The following GSDMD variants were observed in gnomAD, a reference collection of about 807,000 sequenced individuals.
The protein encoded by GSDMD is gasdermin-D.
GSDMD carries 46 observed loss-of-function variants against 46.7 expected under a neutral mutation model. The ratio of observed to expected loss-of-function variants is 0.99; its 90% confidence interval spans 0.78 to 1.26. The LOEUF is 1.26. GSDMD is among the 50% of genes most tolerant of loss of function. The pLI is 0.00. For missense variants in GSDMD, 649 were observed against 638.8 expected (o/e 1.02, Z -0.17); for synonymous variants, 307 against 283.1 (o/e 1.08, Z -0.85).
At position 143,561,828 on chromosome 8, in the gene GSDMD, G is replaced by C. The variant is rs780944198; in HGVS notation, c.823G>C (p.Asp275His). Residue 275 changes from aspartate to histidine, a missense_variant and splice_region_variant, in exon 7 of 11, where the codon GAT becomes CAT. Physicochemically the swap from Asp to His is moderately conservative, Grantham distance 81 (BLOSUM62 -1). Transcript: ENST00000262580. ...MMRCLHNFLT[D>H]GVPAEGAFTE... ...GAGGTGCCTCCACAACTTCCTGACA[G>C]GTCAGTGCCCTCCTGACCGCCCCGG... 23 of 1,610,936 alleles carry C rather than the reference G, an allele frequency of 1.4e-5. No homozygotes were observed. In the East Asian group the frequency reaches 5.1e-4, roughly 36 times the overall value.
chr8:143,559,721 G>T, intron 2 of GSDMD, 56 bp from the exon 3 acceptor site: 7 of 1,527,804 alleles, frequency 4.6e-6, no homozygotes, highest in East Asian at 2.3e-5. Flanking sequence ...CAGGGCTGGT[G>T]GGGGCGGGGG....
intron 5 of GSDMD, 21 bp downstream of exon 5, chr8:143,561,125 T>C (rs2130570624): frequency 6.2e-7 from 1 of 1,603,786 alleles, no homozygotes; most frequent in Non-Finnish European, 8.5e-7. Flanking sequence ...GTTGGGGGTG[T>C]CTCGGGCCCA....
chr8:143,559,766 C>T lies in GSDMD; in HGVS notation c.218-11C>T. On this transcript the variant is annotated splice_polypyrimidine_tract_variant and intron_variant, in intron 2 of 10. Transcript: ENST00000262580. ...GCGCTGGGCACAGCCTCAGGTCTGGCCTTGCTTTAGACGTGCAGCGTGGCA... is the reference window on the plus strand; with the variant it reads ...GCGCTGGGCACAGCCTCAGGTCTGGTCTTGCTTTAGACGTGCAGCGTGGCA... 2 of 1,581,196 alleles carry T rather than the reference C, an allele frequency of 1.3e-6. No homozygotes were observed. Among genetic ancestry groups the T allele is most frequent in the Non-Finnish European group, 1.7e-6 (2 of 1,163,818 alleles).
intron 4 of GSDMD, 24 bp from the exon 5 acceptor site, chr8:143,560,978 C>T: frequency 1.9e-6 from 3 of 1,602,902 alleles, no homozygotes; most frequent in South Asian, 1.1e-5. Context: ...AGGGCCCAGC[C>T]CCGAGCCCAT....
At chr8:143,557,374 T>TGTGACGACGG (rs1563902738), upstream of GSDMD, among the ~76,000 whole-genome samples, 25 of 101,892 alleles carry the variant, frequency 2.5e-4, no homozygotes, top group East Asian at 4.3e-4. Context: ...ATGCTGCCGC[T>TGTGACGACGG]ATGGCGAAGG....
rs1156489909 is a variant in GSDMD at position 143,559,790 on chromosome 8, CA to C, written c.232del (p.Arg78GlyfsTer41). 1 of 1,600,912 alleles carries C rather than the reference CA, an allele frequency of 6.2e-7. No homozygotes were observed. Among genetic ancestry groups the C allele is most frequent in the Non-Finnish European group, 8.5e-7 (1 of 1,173,758 alleles). ...GCCTTGCTTTAGACGTGCAGCGTGGCAGGAGCTTCCACTTCTACGATGCCAT... is the reference window on the plus strand; with the variant it reads ...GCCTTGCTTTAGACGTGCAGCGTGGCGGAGCTTCCACTTCTACGATGCCAT... ...DAAEPDVQRG[R>X]SFHFYDAMDG... On this transcript the variant is annotated frameshift_variant, in exon 3 of 11. Transcript: ENST00000262580. LOFTEE classifies it high-confidence loss of function.
Position 143,562,691 on chromosome 8 carries a change from G to C in GSDMD, c.1242G>C (p.Pro414=). Residue 414 remains proline, a synonymous_variant, in exon 11 of 11, where the codon CCG becomes CCC. Coordinates refer to ENST00000262580, the MANE Select transcript of GSDMD (RefSeq NM_024736.7). ...LVGSLLEQSA[P]WQERSTMSLP... is the part of the protein sequence containing the mutation. ...GCAGCCTCTTGGAGCAGAGTGCCCC[G>C]TGGCAGGAGCGCAGCACCATGTCCC... The C allele has an allele frequency of 1.2e-6, 2 of 1,604,252 alleles. 1 individual carries two copies. Among genetic ancestry groups the C allele is most frequent in the South Asian group, 2.2e-5 (2 of 89,790 alleles).
At chr8:143,554,115 G>A (rs1823257153), upstream of GSDMD, among the ~76,000 whole-genome samples, 1 of 152,280 alleles carries the variant, frequency 6.6e-6, no homozygotes, top group African/African-American at 2.4e-5. Context: ...AAGGAGAAAA[G>A]CGGGAGGAGG....
At chr8:143,558,301 G>C, upstream of GSDMD, 2 of 1,510,522 alleles carry the variant, frequency 1.3e-6, no homozygotes, top group Non-Finnish European at 8.8e-7. Context: ...CGGGCTCTCC[G>C]GGACGGTTCC....
intron 5 of GSDMD, 88 bp downstream of exon 5, chr8:143,561,192 C>T (rs956509121): frequency 2.1e-5 from 28 of 1,360,426 alleles, no homozygotes; most frequent in Middle Eastern, 1.8e-4. Context: ...CTTGGGCTGC[C>T]GTGGGCCCCT....
intron 6 of GSDMD, 51 bp from the exon 7 acceptor site, chr8:143,561,691 G>T: frequency 6.9e-7 from 1 of 1,458,736 alleles, no homozygotes; most frequent in East Asian, 2.4e-5. Context: ...CTCTGGCTCA[G>T]ACACCCTTCC....
Position 143,561,524 on chromosome 8 carries a change from G to A in GSDMD, c.736+101G>A, listed in dbSNP as rs150190170. On this transcript the variant is annotated intron_variant, in intron 6 of 10. Coordinates refer to ENST00000262580, the MANE Select transcript of GSDMD (RefSeq NM_024736.7). ...CATGTTCTCAGGGCACAGGGAGGCCGGGCAGCCCCCTGAGGCGGTGGGCAC... is the reference window on the plus strand; with the variant it reads ...CATGTTCTCAGGGCACAGGGAGGCCAGGCAGCCCCCTGAGGCGGTGGGCAC... 211 of 1,264,028 alleles carry A rather than the reference G, an allele frequency of 1.7e-4. 1 individual carries two copies. In the Middle Eastern group the frequency reaches 2.6e-3, roughly 16 times the overall value. The allele number at this position is 1,264,028 out of a possible 1,614,324, so 78.3% of individuals were successfully genotyped here. A position where few individuals can be genotyped will look rare whatever the true frequency, so the allele number is the denominator to read the frequency against.
chr8:143,560,166 G>T (rs1823417888), intron 3 of GSDMD, 197 bp downstream of exon 3: 1 of 709,246 alleles, frequency 1.4e-6, no homozygotes, highest in South Asian at 1.5e-5. Flanking sequence ...GAGCCACTGT[G>T]CCAGGTCCCA....
intron 1 of GSDMD, 199 bp downstream of exon 1, chr8:143,558,650 G>A (rs967152695): frequency 1.0e-5 from 6 of 597,910 alleles, no homozygotes; most frequent in African/African-American, 5.9e-5. Context: ...TTGGACCTGG[G>A]CTTGGGCTTG....
At chr8:143,561,902 G>C in intron 7 of GSDMD, 57 bp from the exon 8 acceptor site, 1 of 1,607,902 alleles carries the variant, frequency 6.2e-7, no homozygotes, top group Non-Finnish European at 8.5e-7. Context: ...TGTCCTGACC[G>C]AGGCTTTCCA....
At chr8:143,555,222 ATGAG>A (rs1823279492), upstream of GSDMD, 1 of 152,288 alleles carries the variant, frequency 6.6e-6, no homozygotes, top group Non-Finnish European at 1.5e-5. Flanking sequence ...TGTTGGATGA[ATGAG>A]TGAGTGTGAG....
chr8:143,558,929 T>C (rs1392669123), intron 1 of GSDMD: 7 of 538,242 alleles, frequency 1.3e-5, no homozygotes, highest in Non-Finnish European at 2.5e-5. Context: ...GGCGACACTC[T>C]GGCTGGGTTT....
At position 143,558,353 on chromosome 8, in the gene GSDMD, C is replaced by A. The variant is rs1038293275; in HGVS notation, c.-103C>A. ...CGGGCCCTGCGTCAGGTTGCAGTTT[C>A]ACTTTTAGCTCTGGGCACCTCCAGC... On this transcript the variant is annotated 5_prime_UTR_variant, in exon 1 of 11. Coordinates refer to ENST00000262580, the MANE Select transcript of GSDMD (RefSeq NM_024736.7). 3.3e-6 allele frequency: 5 copies of A among 1,525,030 alleles called. No individual in the cohort carries two copies. The highest frequency in any genetic ancestry group is 4.4e-6 in the Non-Finnish European group (5 of 1,142,458). 94.5% of individuals were successfully genotyped at this position (1,525,030 alleles called of 1,614,324 possible). A position where few individuals can be genotyped will look rare whatever the true frequency, so the allele number is the denominator to read the frequency against.
chr8:143,557,388 ATGCCGCTGTGACGACAGCTGC>A (rs1456216270), upstream of GSDMD, among the ~76,000 whole-genome samples: 1 of 65,484 alleles, frequency 1.5e-5, no homozygotes, highest in Admixed American at 1.6e-4. Context: ...GCGAAGGATG[ATGCCGCTGTGACGACAGCTGC>A]TGCCGCTGTG....
Sources: allele counts gnomAD v4.1 joint callset (sites outside exome capture counted in the v4.1 genomes callset), GRCh38; gene constraint gnomAD v4.1.1; transcripts MANE v1.5; gene names NCBI Gene and HGNC (gene_info 2026-07-23, HGNC 2026-07-21).